Variants in CLIC6 observed in about 807,000 individuals in gnomAD.
CLIC6 encodes the protein chloride intracellular channel protein 6.
In CLIC6, 39 loss-of-function variants were observed where a neutral mutation model predicts 49.2. The observed-to-expected ratio is 0.79, with a 90% confidence interval of 0.61 to 1.04. CLIC6 has a LOEUF of 1.04. Among genes scored for constraint, CLIC6 ranks in the 50% least tolerant of loss-of-function variants. CLIC6 has a pLI of 0.00. For missense variants in CLIC6, 988 were observed against 993.1 expected, an observed-to-expected ratio of 0.99 and a Z score of 0.07; for synonymous variants, 446 against 433.4, an observed-to-expected ratio of 1.03 and a Z score of -0.36.
intron 3 of CLIC6, 48 bp downstream of exon 3, chr21:34,708,117 C>A (rs948165089): frequency 6.2e-7 from 1 of 1,606,884 alleles, no homozygotes; most frequent in Non-Finnish European, 8.5e-7. Context: ...CACTTTCCCC[C>A]ACTAGTAGTC....
Position 34,707,938 on chromosome 21 carries a change from A to G in CLIC6, c.1485-6A>G. ...CCCATAAACACTGCTGTTTCCTCCC[A>G]CCTAGGAAACCCGCAGACCTGCAGA... is the stretch of plus-strand genomic sequence containing the variant. On this transcript the variant is annotated splice_polypyrimidine_tract_variant and splice_region_variant and intron_variant, in intron 2 of 5. Transcript: ENST00000349499. 1 of 1,613,788 alleles carries G rather than the reference A, an allele frequency of 6.2e-7. No individual in the cohort carries two copies. The highest frequency in any genetic ancestry group is 8.5e-7 in the Non-Finnish European group (1 of 1,179,868).
At chr21:34,682,742 C>T (rs928760070) in intron 1 of CLIC6, among the ~76,000 whole-genome samples, 2 of 150,480 alleles carry the variant, frequency 1.3e-5, no homozygotes, top group African/African-American at 2.4e-5. Context: ...TTACTTTATA[C>T]TCTATAACCT....
intron 1 of CLIC6, among the ~76,000 whole-genome samples, chr21:34,695,883 C>A: frequency 6.6e-6 from 1 of 152,170 alleles, no homozygotes; most frequent in Non-Finnish European, 1.5e-5. Flanking sequence ...AAAGCAGATT[C>A]GATGAGATTT....
chr21:34,705,146 A>G (rs574011291), intron 1 of CLIC6, among the ~76,000 whole-genome samples: 2 of 152,332 alleles, frequency 1.3e-5, no homozygotes, highest in African/African-American at 4.8e-5. Flanking sequence ...AGAGGTTTAC[A>G]AGCTGCAGAG....
intron 1 of CLIC6, 77 bp downstream of exon 1, chr21:34,670,839 C>A: frequency 1.4e-6 from 2 of 1,453,066 alleles, no homozygotes; most frequent in Non-Finnish European, 1.8e-6. Flanking sequence ...CCCAGAGGGA[C>A]GCGCAGGGAG....
chr21:34,671,007 GAT>G (rs1989555056), intron 1 of CLIC6, among the ~76,000 whole-genome samples: 1 of 151,286 alleles, frequency 6.6e-6, no homozygotes, highest in Non-Finnish European at 1.5e-5. Flanking sequence ...CGGGGAGTGC[GAT>G]GGGGGCCAAT....
chr21:34,669,895 C>A lies in CLIC6; in HGVS notation c.507C>A (p.Asn169Lys), dbSNP rs2145792685. 7.5e-7 allele frequency: 1 copy of A among 1,327,738 alleles called. No individual in the cohort carries two copies. 82.2% of individuals were successfully genotyped at this position (1,327,738 alleles called of 1,614,324 possible). Residue 169 changes from asparagine (N) to lysine (K), a missense_variant, in exon 1 of 6, where the codon AAC (asparagine) becomes AAA (lysine). Transcript: ENST00000349499. ...SVDAEGPLGD[N>K]IEAEGPAGDS... ...ACGCGGAGGGCCCGCTGGGGGACAACATAGAAGCGGAGGGCCCGGCGGGCG... is the reference window on the plus strand; with the variant it reads ...ACGCGGAGGGCCCGCTGGGGGACAAAATAGAAGCGGAGGGCCCGGCGGGCG...
intron 5 of CLIC6, among the ~76,000 whole-genome samples, chr21:34,712,037 A>T (rs1211617658): frequency 6.6e-6 from 1 of 152,218 alleles, no homozygotes; most frequent in Non-Finnish European, 1.5e-5. Context: ...CAGAGCATTC[A>T]TGGCCCCTTG....
At chr21:34,707,561 G>A (rs768866982) in intron 2 of CLIC6, among the ~76,000 whole-genome samples, 172 bp downstream of exon 2, 7 of 152,020 alleles carry the variant, frequency 4.6e-5, no homozygotes, top group Non-Finnish European at 8.8e-5. Context: ...TGACAGGGTC[G>A]GCTGGGCTGG....
intron 4 of CLIC6, 74 bp from the exon 5 acceptor site, chr21:34,709,283 A>T: frequency 7.3e-7 from 1 of 1,368,682 alleles, no homozygotes; most frequent in Non-Finnish European, 1.0e-6. Context: ...AGGGAAGCAA[A>T]CTCCATCACA....
Position 34,669,350 on chromosome 21 carries a change from C to T in CLIC6, c.-39C>T. The T allele has an allele frequency of 1.6e-6, 2 of 1,232,018 alleles. No homozygotes were observed. The highest frequency in any genetic ancestry group is 1.0e-6 in the Non-Finnish European group (1 of 986,928). The allele number at this position is 1,232,018 out of a possible 1,614,324, so 76.3% of individuals were successfully genotyped here. ...AGCGCCACCGACCCTTAAGCAGCGT[C>T]AAGGAAGGAGTCCCGATCAAGGACA... On this transcript the variant is annotated 5_prime_UTR_variant, in exon 1 of 6. Coordinates refer to ENST00000349499, the MANE Select transcript of CLIC6 (RefSeq NM_053277.3).
chr21:34,708,921 T>G (rs1443838256), intron 4 of CLIC6, 115 bp downstream of exon 4: 3 of 739,904 alleles, frequency 4.1e-6, no homozygotes, highest in Admixed American at 5.5e-5. Flanking sequence ...GAAGTGAGTC[T>G]GGAGCTACAG....
At chr21:34,693,357 A>G (rs1430935001) in intron 1 of CLIC6, among the ~76,000 whole-genome samples, 1 of 152,202 alleles carries the variant, frequency 6.6e-6, no homozygotes, top group Non-Finnish European at 1.5e-5. Flanking sequence ...GCATTTTCCC[A>G]CAAAACCTAA....
rs566105353 is a variant in CLIC6 at position 34,669,841 on chromosome 21, C to G, written c.453C>G (p.Ser151Arg). 5.7e-6 allele frequency: 8 copies of G among 1,405,910 alleles called. No homozygotes were observed. The African/African-American group carries it at 1.2e-4, about 21-fold the overall frequency. The allele number at this position is 1,405,910 out of a possible 1,614,324, so 87.1% of individuals were successfully genotyped here. A position where few individuals can be genotyped will look rare whatever the true frequency, so the allele number is the denominator to read the frequency against. ...AEQRPEVPEG[S>R]ASGEAGDSVD... The stretch of plus-strand genomic sequence containing the variant: ...AGAGGCCTGAGGTCCCGGAAGGTAG[C>G]GCGTCCGGGGAGGCGGGGGACAGCG... Residue 151 changes from serine (S) to arginine (R), a missense_variant, in exon 1 of 6, where the codon AGC (serine) becomes AGG (arginine). By Grantham distance (110) the Ser-to-Arg change is moderately radical (BLOSUM62 -1). Coordinates refer to ENST00000349499, the MANE Select transcript of CLIC6 (RefSeq NM_053277.3).
intron 1 of CLIC6, among the ~76,000 whole-genome samples, chr21:34,702,772 C>G (rs1352708002): frequency 1.3e-5 from 2 of 152,194 alleles, no homozygotes; most frequent in Non-Finnish European, 2.9e-5. Flanking sequence ...GTGGGTGGGA[C>G]TGGGAGGAGG....
At chr21:34,705,886 T>C in intron 1 of CLIC6, 1 of 464,696 alleles carries the variant, frequency 2.2e-6, no homozygotes, top group Non-Finnish European at 3.8e-6. Flanking sequence ...CACAGCATGG[T>C]TTCTGACCAC....
Position 34,669,907 on chromosome 21 carries a change from G to T in CLIC6, c.519G>T (p.Glu173Asp), listed in dbSNP as rs1219787561. 2 of 1,318,740 alleles carry T rather than the reference G, an allele frequency of 1.5e-6. No homozygotes were observed. The highest frequency in any genetic ancestry group is 3.3e-5 in the South Asian group (2 of 60,300). 81.7% of individuals were successfully genotyped at this position (1,318,740 alleles called of 1,614,324 possible). A position where few individuals can be genotyped will look rare whatever the true frequency, so the allele number is the denominator to read the frequency against. Reference protein sequence around the residue: ...EGPLGDNIEAEGPAGDSVEAE... With the variant: ...EGPLGDNIEADGPAGDSVEAE... ...CGCTGGGGGACAACATAGAAGCGGA[G>T]GGCCCGGCGGGCGACAGCGTAGAGG... Residue 173 changes from glutamate to aspartate, a missense_variant, in exon 1 of 6, where the codon GAG becomes GAT. Physicochemically the swap from Glu to Asp is conservative, Grantham distance 45. Around this residue, in one of 3 missense-constraint regions of CLIC6, gnomAD observed 284 missense variants for 278.6 expected, o/e 1.02. Transcript: ENST00000349499.
At chr21:34,682,273 A>G (rs1260281295) in intron 1 of CLIC6, among the ~76,000 whole-genome samples, 2 of 152,222 alleles carry the variant, frequency 1.3e-5, no homozygotes, top group Non-Finnish European at 2.9e-5. Flanking sequence ...TGCTCCTCTG[A>G]CACTATATCA....
chr21:34,717,140 T>G lies in CLIC6; in HGVS notation c.*658T>G, dbSNP rs1209516602. The G allele has an allele frequency of 6.6e-6, 1 of 152,168 alleles. No individual in the cohort carries two copies. The highest frequency in any genetic ancestry group is 2.4e-5 in the African/African-American group (1 of 41,414). The allele number at this position is 152,168 out of a possible 1,614,324, so 9.4% of individuals were successfully genotyped here. A position where few individuals can be genotyped will look rare whatever the true frequency, so the allele number is the denominator to read the frequency against. On this transcript the variant is annotated 3_prime_UTR_variant, in exon 6 of 6. Transcript: ENST00000349499. ...CTGGGTCACCCCCACTCTGCCTCAT[T>G]TCTGCCTCCAGGATGCCACTGCCTC... is the stretch of plus-strand genomic sequence containing the variant.
Sources: allele counts gnomAD v4.1 joint callset (sites outside exome capture counted in the v4.1 genomes callset), GRCh38; gene constraint gnomAD v4.1.1; regional missense constraint gnomAD v4.1.1; transcripts MANE v1.5; gene names NCBI Gene and HGNC (gene_info 2026-07-23, HGNC 2026-07-21).